Variants in SNRNP40 observed in about 807,000 individuals in gnomAD.
The protein encoded by SNRNP40 is small nuclear ribonucleoprotein U5 subunit 40.
SNRNP40 carries 21 observed loss-of-function variants against 45.8 expected under a neutral mutation model. The observed-to-expected ratio is 0.46, with a 90% confidence interval of 0.32 to 0.66. The LOEUF is 0.66. Among genes scored for constraint, SNRNP40 ranks in the 30% least tolerant of loss-of-function variants. The pLI, the probability that SNRNP40 is intolerant of heterozygous loss-of-function variation, is 0.03. For missense variants in SNRNP40, 344 were observed against 439.1 expected (o/e 0.78, Z 1.94); for synonymous variants, 142 against 163.8 (o/e 0.87, Z 1.01).
intron 5 of SNRNP40, among the ~76,000 whole-genome samples, chr1:31,279,694 C>G (rs977104159): frequency 6.6e-6 from 1 of 151,096 alleles, no homozygotes; most frequent in African/African-American, 2.4e-5. Flanking sequence ...TTGCAGTGAG[C>G]CAAGATCACG....
rs1646024333 is a variant in SNRNP40, at chr1:31,282,491, C to CTATCTATG, written c.532-996_532-995insCATAGATA. Reference sequence around the variant, plus strand: ...GCTATCTATCTATCTATGTATCTATCTATCTATCTATCTATCTATCTATCT... The same window carrying CTATCTATG: ...GCTATCTATCTATCTATGTATCTATCTATCTATGTATCTATCTATCTATCTATCTATCT... On this transcript the variant is annotated intron_variant, in intron 4 of 9. Coordinates refer to ENST00000263694, the MANE Select transcript of SNRNP40 (RefSeq NM_004814.3). 10 of 134,262 alleles carry CTATCTATG rather than the reference C, an allele frequency of 7.4e-5. 1 individual carries two copies. In the South Asian group the frequency reaches 2.1e-3, roughly 28 times the overall value. 8.3% of individuals were successfully genotyped at this position (134,262 alleles called of 1,614,324 possible). A position where few individuals can be genotyped will look rare whatever the true frequency, so the allele number is the denominator to read the frequency against.
chr1:31,296,477 T>G, intron 1 of SNRNP40, 134 bp downstream of exon 1: 1 of 1,223,346 alleles, frequency 8.2e-7, no homozygotes, highest in Non-Finnish European at 1.1e-6. Flanking sequence ...TTACAGTGTT[T>G]ATGTGCTTTA....
At chr1:31,291,064 G>A (rs1029721484) in intron 3 of SNRNP40, among the ~76,000 whole-genome samples, 23 of 151,718 alleles carry the variant, frequency 1.5e-4, no homozygotes, top group African/African-American at 5.1e-4. Flanking sequence ...TGAGGTGGGC[G>A]GATCACCTGC....
chr1:31,261,473 G>A, intron 9 of SNRNP40, 56 bp downstream of exon 9: 6 of 1,154,936 alleles, frequency 5.2e-6, no homozygotes, highest in Non-Finnish European at 6.5e-6. Flanking sequence ...TCTATTCCCA[G>A]GATCCCTACG....
rs1228107424 is a variant in SNRNP40, at chr1:31,260,024, T to C, written c.*48A>G. The C allele has an allele frequency of 7.3e-7, 1 of 1,362,912 alleles. No homozygotes were observed. Among genetic ancestry groups the C allele is most frequent in the Non-Finnish European group, 1.1e-6 (1 of 951,186 alleles). 84.4% of individuals were successfully genotyped at this position (1,362,912 alleles called of 1,614,324 possible). Reference sequence around the variant, plus strand: ...CCAACATTTGGCATCACTTATGCAGTCTGAGGTCTCAAAGACAAGCGGCCT... The same window carrying C: ...CCAACATTTGGCATCACTTATGCAGCCTGAGGTCTCAAAGACAAGCGGCCT... On this transcript the variant is annotated 3_prime_UTR_variant, in exon 10 of 10. Coordinates refer to ENST00000263694, the MANE Select transcript of SNRNP40 (RefSeq NM_004814.3).
intron 9 of SNRNP40, chr1:31,260,950 C>A (rs1269502977): frequency 1.8e-6 from 2 of 1,102,448 alleles, no homozygotes; most frequent in African/African-American, 1.7e-5. Context: ...AAAAATTAGA[C>A]TTACCAACTT....
chr1:31,265,885 GA>G (rs1290918129), intron 8 of SNRNP40, among the ~76,000 whole-genome samples: 3 of 152,142 alleles, frequency 2.0e-5, no homozygotes, highest in Non-Finnish European at 4.4e-5. Flanking sequence ...TCTTTCTGCT[GA>G]AAATTATGTA....
intron 8 of SNRNP40, chr1:31,261,902 G>A (rs1645861682): frequency 3.8e-6 from 1 of 260,116 alleles, no homozygotes; most frequent in Non-Finnish European, 7.3e-6. Context: ...AACACCACAG[G>A]GAAGAAAAGA....
intron 4 of SNRNP40, among the ~76,000 whole-genome samples, chr1:31,287,075 T>G (rs1163417324): frequency 6.6e-6 from 1 of 152,242 alleles, no homozygotes; most frequent in African/African-American, 2.4e-5. Context: ...GTTGGAAACC[T>G]TTGCTTTCTG....
intron 1 of SNRNP40, 57 bp downstream of exon 1, chr1:31,296,554 C>A: frequency 2.6e-6 from 4 of 1,545,402 alleles, no homozygotes; most frequent in Admixed American, 2.1e-5. Flanking sequence ...CCAGATACAG[C>A]GCTCTGAGGG....
At chr1:31,270,402 G>T (rs1157693463) in intron 6 of SNRNP40, among the ~76,000 whole-genome samples, 2 of 151,924 alleles carry the variant, frequency 1.3e-5, no homozygotes, top group Non-Finnish European at 2.9e-5. Flanking sequence ...GACCAGCCTG[G>T]GCAACACAGC....
intron 5 of SNRNP40, among the ~76,000 whole-genome samples, chr1:31,278,950 T>G (rs961712179): frequency 6.6e-6 from 1 of 151,864 alleles, no homozygotes; most frequent in African/African-American, 2.4e-5. Context: ...AACTACCAGA[T>G]GGATAGGACA....
At position 31,259,830 on chromosome 1, in the gene SNRNP40, GA is replaced by G. The variant is rs760855932; in HGVS notation, c.*241del. The G allele has an allele frequency of 8.5e-3, 4,437 of 521,436 alleles. No homozygotes were observed. Among genetic ancestry groups the G allele is most frequent in the East Asian group, 0.013 (340 of 26,662 alleles). The allele number at this position is 521,436 out of a possible 1,614,324, so 32.3% of individuals were successfully genotyped here. On this transcript the variant is annotated 3_prime_UTR_variant, in exon 10 of 10. Transcript: ENST00000263694. ...ATTAGAAAACAGGAAAAAAGAAAAAGAAAAAAAAAAACAGTCCCTGAAATCT... is the reference window on the plus strand; with the variant it reads ...ATTAGAAAACAGGAAAAAAGAAAAAGAAAAAAAAAACAGTCCCTGAAATCT...
At chr1:31,288,250 G>A (rs1646076229) in intron 4 of SNRNP40, among the ~76,000 whole-genome samples, 1 of 151,924 alleles carries the variant, frequency 6.6e-6, no homozygotes, top group African/African-American at 2.4e-5. Context: ...GTACTCTTTT[G>A]AAGTCCCTCA....
intron 5 of SNRNP40, among the ~76,000 whole-genome samples, chr1:31,281,051 C>T (rs915848788): frequency 1.3e-5 from 2 of 152,148 alleles, no homozygotes; most frequent in Non-Finnish European, 2.9e-5. Context: ...TGATTCACTG[C>T]TCTCTTTAAA....
chr1:31,265,389 C>CA (rs1645888911), intron 8 of SNRNP40, among the ~76,000 whole-genome samples: 2 of 151,966 alleles, frequency 1.3e-5, no homozygotes, highest in Non-Finnish European at 2.9e-5. Context: ...CTCAGCCTCT[C>CA]AGAGTGTTGG....
Position 31,267,916 on chromosome 1 carries a change from G to C in SNRNP40, c.875C>G (p.Ser292Cys), listed in dbSNP as rs1645910752. Residue 292 changes from serine to cysteine, a missense_variant, in exon 8 of 10, where the codon TCT (serine) becomes TGT (cysteine). Around this residue, in one of 2 missense-constraint regions of SNRNP40, gnomAD observed 254 missense variants for 380.2 expected, o/e 0.67. Coordinates refer to ENST00000263694, the MANE Select transcript of SNRNP40 (RefSeq NM_004814.3). ...HNFEKNLLRC[S>C]WSPDGSKIAA... Reference sequence around the variant, plus strand: ...TATTTTGCTTCCATCAGGTGACCAAGAACATCTCAGAAGGTTCTATGATAA... The same window carrying C: ...TATTTTGCTTCCATCAGGTGACCAACAACATCTCAGAAGGTTCTATGATAA... 4 of 1,612,402 alleles carry C rather than the reference G, an allele frequency of 2.5e-6. No homozygotes were observed. In the African/African-American group the frequency reaches 4.0e-5, roughly 16 times the overall value.
At chr1:31,269,031 A>C in intron 7 of SNRNP40, 127 bp downstream of exon 7, 1 of 848,906 alleles carries the variant, frequency 1.2e-6, no homozygotes, top group Non-Finnish European at 1.7e-6. Context: ...ACAAGTTTTA[A>C]TTAAGAGCAG....
chr1:31,271,615 A>C, intron 5 of SNRNP40, 116 bp from the exon 6 acceptor site: 3 of 977,424 alleles, frequency 3.1e-6, no homozygotes, highest in Non-Finnish European at 3.0e-6. Context: ...ACTATAAAAC[A>C]CAGGATTTCT....
Sources: gnomAD v4.1 joint callset for allele counts (sites outside exome capture counted in the v4.1 genomes callset) on GRCh38, gnomAD v4.1.1 for gene constraint, gnomAD v4.1.1 regional missense constraint, MANE v1.5 for transcripts, NCBI Gene and HGNC (gene_info 2026-07-23, HGNC 2026-07-21) for gene names.